JPH1: variants seen among roughly 807,000 people sequenced by gnomAD.
JPH1 encodes junctophilin-1.
A neutral mutation model predicts 53.6 loss-of-function variants in JPH1; 12 were observed. The observed-to-expected ratio is 0.22, with a 90% CI of 0.14 to 0.36. The LOEUF (loss-of-function observed/expected upper bound fraction) is 0.36, where lower values mean the gene tolerates loss of function less well. Ranked by LOEUF, JPH1 falls within the 10% of genes least tolerant of loss-of-function variation. The pLI is 1.00. For synonymous variants in JPH1, 375 were observed against 363.8 expected (o/e 1.03, Z -0.35); for missense variants, 808 against 905.5 (o/e 0.89, Z 1.38).
intron 4 of JPH1, 103 bp downstream of exon 4, chr8:74,244,426 C>G (rs1476460890): frequency 2.3e-6 from 3 of 1,278,546 alleles, no homozygotes; most frequent in Non-Finnish European, 3.2e-6. Context: ...CTTCTAGAAC[C>G]TTGGTTAGCC....
chr8:74,319,662 G>A (rs1808259050), intron 1 of JPH1, among the ~76,000 whole-genome samples: 1 of 152,194 alleles, frequency 6.6e-6, no homozygotes, highest in Admixed American at 6.5e-5. Flanking sequence ...TGTACAAATT[G>A]TGTAAGCTTT....
intron 2 of JPH1, among the ~76,000 whole-genome samples, chr8:74,273,896 T>A (rs967721104): frequency 1.3e-5 from 2 of 152,194 alleles, no homozygotes; most frequent in Non-Finnish European, 2.9e-5. Context: ...TCTTATCTTC[T>A]GTTGTTACTT....
rs1392274867 is a variant in JPH1 at position 74,235,350 on chromosome 8, A to G, written c.*1701T>C. 3 of 152,634 alleles carry G rather than the reference A, an allele frequency of 2.0e-5. No individual in the cohort carries two copies. The highest frequency in any genetic ancestry group is 7.2e-5 in the African/African-American group (3 of 41,452). 9.5% of individuals were successfully genotyped at this position (152,634 alleles called of 1,614,324 possible). A position where few individuals can be genotyped will look rare whatever the true frequency, so the allele number is the denominator to read the frequency against. ...CCTTCTTCTTTATTCCATATTGGTCACACCCAGGATTTTCAACATATTGTG... is the reference window on the plus strand; with the variant it reads ...CCTTCTTCTTTATTCCATATTGGTCGCACCCAGGATTTTCAACATATTGTG... On this transcript the variant is annotated 3_prime_UTR_variant, in exon 6 of 6. Coordinates refer to ENST00000342232, the MANE Select transcript of JPH1 (RefSeq NM_020647.4).
chr8:74,253,693 A>C (rs1007149377), intron 3 of JPH1, among the ~76,000 whole-genome samples: 18 of 152,232 alleles, frequency 1.2e-4, no homozygotes, highest in African/African-American at 4.1e-4. Context: ...AGACGCAATA[A>C]AAAATGACAA....
chr8:74,294,848 A>G (rs1172250951), intron 2 of JPH1, among the ~76,000 whole-genome samples: 2 of 152,178 alleles, frequency 1.3e-5, no homozygotes, highest in African/African-American at 4.8e-5. Flanking sequence ...AATTTTCACA[A>G]TGGTCCTCTG....
At position 74,240,120 on chromosome 8, in the gene JPH1, C is replaced by T. The variant is rs1171281290; in HGVS notation, c.1906-2817G>A. Among the ~76,000 whole-genome samples, 4 of 151,908 alleles carry T rather than the reference C, an allele frequency of 2.6e-5. No individual in the cohort carries two copies. In the East Asian group the frequency reaches 7.7e-4, roughly 29 times the overall value. The stretch of plus-strand genomic sequence containing the variant: ...CCGAGTAGCTGGGACTACAGGTGTT[C>T]ACTACGATGCCCAGCTAACTTTTAT... On this transcript the variant is annotated intron_variant, in intron 4 of 5. Coordinates refer to ENST00000342232, the MANE Select transcript of JPH1 (RefSeq NM_020647.4).
In JPH1 at chr8:74,312,392, G is replaced by A. The variant is rs79588375; in HGVS notation, c.1139+2469C>T. ...TCAGTCTCCCAAGTAACTAGGACAG[G>A]TGTGCGCCACCGTGTCCGGCTAATT... On this transcript the variant is annotated intron_variant, in intron 2 of 5. Transcript: ENST00000342232. Among the ~76,000 whole-genome samples the A allele has an allele frequency of 1.5e-4, 23 of 152,166 alleles. No individual in the cohort carries two copies. The East Asian group carries it at 4.4e-3, about 29-fold the overall frequency.
intron 4 of JPH1, 114 bp downstream of exon 4, chr8:74,244,415 G>A (rs1056896156): frequency 5.2e-6 from 6 of 1,145,234 alleles, no homozygotes; most frequent in Non-Finnish European, 7.4e-6. Flanking sequence ...ACAACCCTGT[G>A]CTTCTAGAAC....
chr8:74,241,841 G>A (rs1805699845), intron 4 of JPH1, among the ~76,000 whole-genome samples: 1 of 152,162 alleles, frequency 6.6e-6, no homozygotes, highest in Non-Finnish European at 1.5e-5. Context: ...AGGAATGGCT[G>A]AGAAAAAAGT....
intron 2 of JPH1, among the ~76,000 whole-genome samples, chr8:74,278,749 G>GA: frequency 6.6e-6 from 1 of 152,216 alleles, no homozygotes; most frequent in Admixed American, 6.5e-5. Flanking sequence ...CTTCATGAGC[G>GA]ATGACAGAGA....
chr8:74,267,502 T>C (rs1324380349), intron 2 of JPH1, among the ~76,000 whole-genome samples: 1 of 152,218 alleles, frequency 6.6e-6, no homozygotes. Flanking sequence ...GGCTGATTCA[T>C]GTGCAGTCAC....
intron 2 of JPH1, among the ~76,000 whole-genome samples, chr8:74,302,203 G>A (rs1807703615): frequency 6.6e-6 from 1 of 152,214 alleles, no homozygotes; most frequent in African/African-American, 2.4e-5. Context: ...GTGCACCAGT[G>A]CATAACACAC....
chr8:74,254,997 C>T (rs941320305), intron 3 of JPH1, among the ~76,000 whole-genome samples: 5 of 152,154 alleles, frequency 3.3e-5, no homozygotes, highest in Non-Finnish European at 5.9e-5. Context: ...TCAATGCTGT[C>T]CCCATCAAGC....
rs1808138408 is a variant in JPH1, at chr8:74,315,702, G to T, written c.380-82C>A. On this transcript the variant is annotated intron_variant, in intron 1 of 5. Coordinates refer to ENST00000342232, the MANE Select transcript of JPH1 (RefSeq NM_020647.4). The surrounding 1 kb of genome is among the most constrained non-coding windows in gnomAD (Gnocchi z 6.3). ...GCACCATCCAGCGCACACTGGCGCA[G>T]GCCTGCCCAAGGTCAAATCTGACCC... 2 of 1,380,094 alleles carry T rather than the reference G, an allele frequency of 1.4e-6. No individual in the cohort carries two copies. Among genetic ancestry groups the T allele is most frequent in the South Asian group, 2.9e-5 (2 of 69,472 alleles). 85.5% of individuals were successfully genotyped at this position (1,380,094 alleles called of 1,614,324 possible). A position where few individuals can be genotyped will look rare whatever the true frequency, so the allele number is the denominator to read the frequency against.
At chr8:74,292,836 T>C (rs1807378950) in intron 2 of JPH1, among the ~76,000 whole-genome samples, 1 of 152,208 alleles carries the variant, frequency 6.6e-6, no homozygotes, top group Non-Finnish European at 1.5e-5. Context: ...AATCAAGTCC[T>C]GTTTAGCAAG....
chr8:74,244,225 C>T (rs954916928), intron 4 of JPH1, among the ~76,000 whole-genome samples: 17 of 152,162 alleles, frequency 1.1e-4, no homozygotes, highest in African/African-American at 3.9e-4. Context: ...GGAAGCTCAC[C>T]AAGACACGCT....
chr8:74,251,905 T>A (rs1360320778), intron 3 of JPH1, among the ~76,000 whole-genome samples: 2 of 152,158 alleles, frequency 1.3e-5, no homozygotes, highest in Non-Finnish European at 2.9e-5. Context: ...GGCATCACGC[T>A]ACCTGACTTC....
intron 3 of JPH1, among the ~76,000 whole-genome samples, chr8:74,252,042 G>C (rs2131384651): frequency 6.6e-6 from 1 of 152,200 alleles, no homozygotes; most frequent in South Asian, 2.1e-4. Flanking sequence ...TCTGATCTTT[G>C]ACAAACCTGA....
chr8:74,282,245 G>A (rs1193899581), intron 2 of JPH1, among the ~76,000 whole-genome samples: 1 of 152,108 alleles, frequency 6.6e-6, no homozygotes. Context: ...TTCACTGAGT[G>A]TGAAAAAGAT....
Sources: gnomAD v4.1 joint callset for allele counts (sites outside exome capture counted in the v4.1 genomes callset) on GRCh38, gnomAD v4.1.1 for gene constraint, Gnocchi (gnomAD v3.1) non-coding constraint, MANE v1.5 for transcripts, NCBI Gene and HGNC (gene_info 2026-07-23, HGNC 2026-07-21) for gene names.